The following SDK1 variants were observed in gnomAD, a reference collection of about 807,000 sequenced individuals.
SDK1 encodes sidekick cell adhesion molecule 1.
Under a neutral mutation model 245.5 loss-of-function variants are expected in SDK1, and 157 were observed. The ratio of observed to expected loss-of-function variants is 0.64; its 90% CI spans 0.56 to 0.73. The LOEUF (loss-of-function observed/expected upper bound fraction) is 0.73. Among genes scored for constraint, SDK1 ranks in the 30% least tolerant of loss-of-function variants. The probability of loss-of-function intolerance (pLI) is 0.00; values close to 1 mark genes in which losing one functional copy is unlikely to be tolerated. For synonymous variants in SDK1, 1,647 were observed against 1,278.5 expected (o/e 1.29, Z -6.15); for missense variants, 3,583 against 3,002.3 (o/e 1.19, Z -4.52).
At position 4,121,279 on chromosome 7, in the gene SDK1, T is replaced by TA. The variant is rs562917694; in HGVS notation, c.3824-6101dup. ...TAGCTGATTGTAGCATGTATGGTGA[T>TA]ACGGTTTGGCTCCCTGTCCCCACCC... On this transcript the variant is annotated intron_variant, in intron 25 of 44. Transcript: ENST00000404826. Among the ~76,000 whole-genome samples the TA allele has an allele frequency of 4.0e-3, 602 of 152,326 alleles. 17 individuals are homozygous for TA. In the South Asian group the frequency reaches 0.081, roughly 20 times the overall value.
chr7:3,492,635 C>T (rs1400861844), intron 1 of SDK1, among the ~76,000 whole-genome samples: 1 of 152,240 alleles, frequency 6.6e-6, no homozygotes, highest in East Asian at 1.9e-4. Context: ...CCAACTTGGT[C>T]CTGTATCTCC....
chr7:3,540,299 C>T (rs776962335), intron 1 of SDK1, among the ~76,000 whole-genome samples: 6 of 152,116 alleles, frequency 3.9e-5, no homozygotes, highest in East Asian at 1.9e-4. Context: ...CTCAGCTATT[C>T]GGGAGGCCGA....
intron 13 of SDK1, among the ~76,000 whole-genome samples, chr7:3,977,906 C>G (rs1296871608): frequency 6.6e-6 from 1 of 152,198 alleles, no homozygotes; most frequent in Non-Finnish European, 1.5e-5. Flanking sequence ...CTTGGTGGCC[C>G]ATTGGCGGGC....
intron 1 of SDK1, among the ~76,000 whole-genome samples, chr7:3,597,227 G>A (rs554403649): frequency 1.4e-5 from 2 of 146,802 alleles, no homozygotes; most frequent in South Asian, 2.2e-4. Flanking sequence ...AGCCCAGATC[G>A]CGCCACTGCA....
At chr7:4,216,196 G>A (rs77952668) in intron 38 of SDK1, among the ~76,000 whole-genome samples, 2 of 152,338 alleles carry the variant, frequency 1.3e-5, no homozygotes, top group East Asian at 3.9e-4. Flanking sequence ...GCTTGAAAAG[G>A]ACGACAACGC....
At chr7:3,779,553 C>T (rs1045520676) in intron 4 of SDK1, among the ~76,000 whole-genome samples, 10 of 151,914 alleles carry the variant, frequency 6.6e-5, no homozygotes, top group East Asian at 1.9e-4. Context: ...TGGATATTGA[C>T]GATCTTTATA....
chr7:4,101,487 T>C (rs1253945352), intron 22 of SDK1, among the ~76,000 whole-genome samples: 1 of 152,130 alleles, frequency 6.6e-6, no homozygotes, highest in African/African-American at 2.4e-5. Flanking sequence ...TCTGTCAAAA[T>C]AGTTCAAGCA....
At chr7:4,186,712 C>T (rs1782919394) in intron 35 of SDK1, among the ~76,000 whole-genome samples, 1 of 152,144 alleles carries the variant, frequency 6.6e-6, no homozygotes, top group South Asian at 2.1e-4. Context: ...AGACCAGAAG[C>T]CCCCAGCCCA....
chr7:4,101,654 G>A (rs895456306), intron 22 of SDK1, among the ~76,000 whole-genome samples: 1 of 152,198 alleles, frequency 6.6e-6, no homozygotes, highest in Non-Finnish European at 1.5e-5. Context: ...ACCAGAAATA[G>A]AGCCTTCCAC....
At chr7:3,444,474 G>A (rs1448066843) in intron 1 of SDK1, among the ~76,000 whole-genome samples, 3 of 152,076 alleles carry the variant, frequency 2.0e-5, no homozygotes, top group South Asian at 2.1e-4. Context: ...TACAATTATA[G>A]TAGCAGGTAG....
chr7:4,083,564 TCCTTTTTG>T (rs1781208778), intron 22 of SDK1, among the ~76,000 whole-genome samples: 1 of 68,096 alleles, frequency 1.5e-5, no homozygotes, highest in Admixed American at 1.4e-4. Flanking sequence ...CTCCCTTCCT[TCCTTTTTG>T]CCTCCCTCCT....
At chr7:3,825,147 A>C (rs903221381) in intron 5 of SDK1, among the ~76,000 whole-genome samples, 2 of 152,158 alleles carry the variant, frequency 1.3e-5, no homozygotes, top group Non-Finnish European at 2.9e-5. Context: ...CAGAAAAAGA[A>C]GGGTTTGGGC....
intron 14 of SDK1, among the ~76,000 whole-genome samples, chr7:4,005,459 G>T (rs979437929): frequency 6.7e-6 from 1 of 148,444 alleles, no homozygotes; most frequent in Non-Finnish European, 1.5e-5. Flanking sequence ...GGGTATTGCA[G>T]GTACTTCCTG....
chr7:4,052,429 A>C (rs909012928), intron 19 of SDK1, among the ~76,000 whole-genome samples: 4 of 152,190 alleles, frequency 2.6e-5, no homozygotes, highest in Non-Finnish European at 5.9e-5. Flanking sequence ...AGCTGGAAAA[A>C]ATGTGAAAAG....
chr7:3,951,417 A>G (rs1029273394), intron 6 of SDK1, among the ~76,000 whole-genome samples: 7 of 152,126 alleles, frequency 4.6e-5, no homozygotes, highest in East Asian at 3.9e-4. Context: ...CCCGCCTTCC[A>G]TGTCGTTGTG....
Position 3,619,596 on chromosome 7 carries a change from G to A in SDK1, c.458+357G>A, listed in dbSNP as rs553945743. Among the ~76,000 whole-genome samples, 4 of 152,300 alleles carry A rather than the reference G, an allele frequency of 2.6e-5. No homozygotes were observed. The South Asian group carries it at 8.3e-4, about 32-fold the overall frequency. ...GTATTGCTCCTGTCTAGGCACAAAT[G>A]TTTAAACAGATCTTTAGTATGGTAG... On this transcript the variant is annotated intron_variant, in intron 2 of 44. Transcript: ENST00000404826.
intron 5 of SDK1, among the ~76,000 whole-genome samples, chr7:3,920,698 G>A (rs1322976188): frequency 1.3e-5 from 2 of 152,148 alleles, no homozygotes; most frequent in African/African-American, 4.8e-5. Context: ...ACTGTTTTAG[G>A]ATTAATTTCT....
rs201326718 is a variant in SDK1, at chr7:4,161,820, G to A, written c.4764G>A (p.Thr1588=). ...PGEPPGSVSA[T]PHTTSSVLIQ... ...AGCCCCCGGGATCTGTCTCAGCGAC[G>A]CCACACACCACGTCCTCTGTCCTGA... Residue 1588 remains threonine, a synonymous_variant, in exon 32 of 45, where the codon ACG becomes ACA. Transcript: ENST00000404826. 19 of 1,614,118 alleles carry A rather than the reference G, an allele frequency of 1.2e-5. No homozygotes were observed. The highest frequency in any genetic ancestry group is 8.8e-5 in the South Asian group (8 of 91,084).
rs2128217603 is a variant in SDK1 at position 4,174,328 on chromosome 7, A to G, written c.4907A>G (p.Asn1636Ser). Reference sequence around the variant, plus strand: ...GGCACTGAGGCCAAGACGCTCAAAAACCCTATAGCTTTACATGCTGAGCTC... The same window carrying G: ...GGCACTGAGGCCAAGACGCTCAAAAGCCCTATAGCTTTACATGCTGAGCTC... ...GSGTEAKTLK[N>S]PIALHAELTA... The change falls in exon 33 of 45, where the codon AAC (asparagine) becomes AGC (serine). Residue 1636 changes from asparagine (N) to serine (S), a missense_variant. Asn to Ser is a conservative substitution (Grantham distance 46). Coordinates refer to ENST00000404826, the MANE Select transcript of SDK1 (RefSeq NM_152744.4). The G allele has an allele frequency of 6.2e-7, 1 of 1,613,748 alleles. No individual in the cohort carries two copies. The highest frequency in any genetic ancestry group is 1.1e-5 in the South Asian group (1 of 91,070).
Sources: allele counts gnomAD v4.1 joint callset (sites outside exome capture counted in the v4.1 genomes callset), GRCh38; gene constraint gnomAD v4.1.1; transcripts MANE v1.5; gene names NCBI Gene and HGNC (gene_info 2026-07-23, HGNC 2026-07-21).